Variants in SNX18 observed in about 807,000 individuals in gnomAD.
SNX18 encodes sorting nexin 18.
SNX18 carries 35 observed loss-of-function variants against 48.7 expected under a neutral mutation model. The observed-to-expected ratio is 0.72, with a 90% CI of 0.55 to 0.95. The LOEUF (loss-of-function observed/expected upper bound fraction) is 0.95. Among genes scored for constraint, SNX18 ranks in the 40% least tolerant of loss-of-function variants. The pLI, the probability that SNX18 is intolerant of heterozygous loss-of-function variation, is 0.00. For synonymous variants in SNX18, 492 were observed against 384.7 expected (o/e 1.28, Z -3.26); for missense variants, 824 against 871.0 (o/e 0.95, Z 0.68).
At chr5:54,540,211 C>CTTTTTT (rs58582682) in intron 1 of SNX18, among the ~76,000 whole-genome samples, 5 of 139,640 alleles carry the variant, frequency 3.6e-5, no homozygotes, top group Non-Finnish European at 6.1e-5. Context: ...TAGACTTGTT[C>CTTTTTT]TTTTTTTTTT....
chr5:54,585,554 G>A, the SNX18 span, among the ~76,000 whole-genome samples: 3 of 152,102 alleles, frequency 2.0e-5, no homozygotes, highest in East Asian at 3.9e-4. Context: ...CCCTGAGTTA[G>A]ATGACCAGTG....
At chr5:54,646,944 G>A in the SNX18 span, among the ~76,000 whole-genome samples, 1 of 152,128 alleles carries the variant, frequency 6.6e-6, no homozygotes, top group Non-Finnish European at 1.5e-5. Flanking sequence ...TGGGACTGGC[G>A]GCTCGAAGCG....
At chr5:54,622,003 A>G in the SNX18 span, among the ~76,000 whole-genome samples, 3 of 152,274 alleles carry the variant, frequency 2.0e-5, no homozygotes, top group African/African-American at 7.2e-5. Flanking sequence ...TCTGAATAGT[A>G]AACTCAGCAT....
chr5:54,573,530 A>C, the SNX18 span, among the ~76,000 whole-genome samples: 3 of 152,184 alleles, frequency 2.0e-5, no homozygotes, highest in Non-Finnish European at 4.4e-5. Context: ...GTATCCCCTG[A>C]TGCATTGCCC....
the SNX18 span, among the ~76,000 whole-genome samples, chr5:54,567,381 T>G: frequency 6.6e-6 from 1 of 151,988 alleles, no homozygotes; most frequent in African/African-American, 2.4e-5. Context: ...CTATGCAAGC[T>G]GTATCCACAG....
At chr5:54,521,503 C>G (rs891182400) in intron 1 of SNX18, among the ~76,000 whole-genome samples, 1 of 152,088 alleles carries the variant, frequency 6.6e-6, no homozygotes, top group Non-Finnish European at 1.5e-5. Context: ...AGTTCGAGAC[C>G]AGCCTGGGCA....
chr5:54,643,225 A>G, the SNX18 span, among the ~76,000 whole-genome samples: 1 of 152,178 alleles, frequency 6.6e-6, no homozygotes, highest in Non-Finnish European at 1.5e-5. Context: ...CTTGAATTCT[A>G]CATACTCTCA....
At chr5:54,583,552 C>A in the SNX18 span, among the ~76,000 whole-genome samples, 2 of 152,198 alleles carry the variant, frequency 1.3e-5, no homozygotes, top group African/African-American at 4.8e-5. Context: ...GTCAGCAAAC[C>A]TGGGCCCAGA....
At chr5:54,591,547 G>A in the SNX18 span, among the ~76,000 whole-genome samples, 212 of 152,318 alleles carry the variant, frequency 1.4e-3, no homozygotes, top group Middle Eastern at 0.02. Context: ...GGGAAGGTGG[G>A]CAGGAAAGCT....
rs1181204998 is a variant in SNX18, at chr5:54,543,536, A to G, written c.*104A>G. 7.1e-6 allele frequency: 10 copies of G among 1,412,544 alleles called. No individual in the cohort carries two copies. The African/African-American group carries it at 1.3e-4, about 18-fold the overall frequency. 87.5% of individuals were successfully genotyped at this position (1,412,544 alleles called of 1,614,324 possible). The stretch of plus-strand genomic sequence containing the variant: ...ATTGCCAGCTATCAGTGGTGGTACA[A>G]GGACGGTTTTGTGTTCATCTGAAAC... On this transcript the variant is annotated 3_prime_UTR_variant, in exon 2 of 2. Coordinates refer to ENST00000381410, the MANE Select transcript of SNX18 (RefSeq NM_001102575.2).
At chr5:54,532,918 A>G (rs1237292732) in intron 1 of SNX18, among the ~76,000 whole-genome samples, 1 of 152,236 alleles carries the variant, frequency 6.6e-6, no homozygotes, top group Non-Finnish European at 1.5e-5. Context: ...GCAAGTGAAT[A>G]TTTGTATTCA....
chr5:54,525,567 C>G (rs1200891737), intron 1 of SNX18, among the ~76,000 whole-genome samples: 1 of 152,138 alleles, frequency 6.6e-6, no homozygotes, highest in Non-Finnish European at 1.5e-5. Flanking sequence ...GTAATGGCAA[C>G]TGGGATAAAT....
intron 1 of SNX18, chr5:54,520,057 G>A (rs774839146): frequency 1.2e-4 from 55 of 467,562 alleles, no homozygotes; most frequent in Non-Finnish European, 3.5e-5. Flanking sequence ...CTTTGGTAGA[G>A]GAATTAAGAT....
At chr5:54,588,794 A>T in the SNX18 span, among the ~76,000 whole-genome samples, 1 of 152,208 alleles carries the variant, frequency 6.6e-6, no homozygotes, top group Non-Finnish European at 1.5e-5. Context: ...AAGGTATGAT[A>T]TCATCAAAGA....
the SNX18 span, among the ~76,000 whole-genome samples, chr5:54,574,995 C>T: frequency 6.6e-6 from 1 of 152,196 alleles, no homozygotes; most frequent in Non-Finnish European, 1.5e-5. Context: ...AAACCTGCCA[C>T]AGCAGTGTTT....
chr5:54,579,602 C>T, the SNX18 span, among the ~76,000 whole-genome samples: 4 of 152,140 alleles, frequency 2.6e-5, no homozygotes, highest in Non-Finnish European at 5.9e-5. Flanking sequence ...GCTTTTTGTA[C>T]TCACCCAAAT....
the SNX18 span, among the ~76,000 whole-genome samples, chr5:54,583,631 T>A: frequency 6.6e-6 from 1 of 152,236 alleles, no homozygotes; most frequent in African/African-American, 2.4e-5. Flanking sequence ...AGCTTCCTTA[T>A]GTATAAAATG....
At chr5:54,520,877 A>G (rs968298771) in intron 1 of SNX18, 2 of 167,128 alleles carry the variant, frequency 1.2e-5, no homozygotes, top group African/African-American at 2.4e-5. Flanking sequence ...CCTGGACATC[A>G]GTACTAATTT....
intron 1 of SNX18, among the ~76,000 whole-genome samples, chr5:54,524,158 G>A (rs957865106): frequency 2.6e-5 from 4 of 152,164 alleles, no homozygotes; most frequent in African/African-American, 9.7e-5. Flanking sequence ...CCCAGTTTGT[G>A]TTTTCTTAGT....
Sources: gnomAD v4.1 joint callset for allele counts (sites outside exome capture counted in the v4.1 genomes callset) on GRCh38, gnomAD v4.1.1 for gene constraint, MANE v1.5 for transcripts, NCBI Gene and HGNC (gene_info 2026-07-23, HGNC 2026-07-21) for gene names.